The following KCNN2 variants were observed in gnomAD, a reference collection of about 807,000 sequenced individuals.
KCNN2 encodes the protein potassium calcium-activated channel subfamily N member 2, also known as small conductance calcium-activated potassium channel protein 2.
In KCNN2, 24 loss-of-function variants were observed where a neutral mutation model predicts 55.5. That is an observed-to-expected ratio of 0.43 (90% CI 0.31 to 0.61). The LOEUF is 0.61. Among genes scored for constraint, KCNN2 ranks in the 20% least tolerant of loss-of-function variants. The probability of loss-of-function intolerance (pLI) is 0.08; values close to 1 mark genes in which losing one functional copy is unlikely to be tolerated. For synonymous variants in KCNN2, 431 were observed against 336.1 expected (o/e 1.28, Z -3.09); for missense variants, 754 against 853.6 (o/e 0.88, Z 1.45).
chr5:114,289,948 A>G (rs1755847042), intron 2 of KCNN2, among the ~76,000 whole-genome samples: 1 of 152,042 alleles, frequency 6.6e-6, no homozygotes, highest in Non-Finnish European at 1.5e-5. Flanking sequence ...TATTTTTCAG[A>G]CTTCCTTTTT....
rs1025892247 is a variant in KCNN2 at position 114,486,613 on chromosome 5, T to G, written c.1891-437T>G. 296 of 540,158 alleles carry G rather than the reference T, an allele frequency of 5.5e-4. 1 individual carries two copies. Among genetic ancestry groups the G allele is most frequent in the South Asian group, 2.3e-3 (135 of 57,732 alleles). 33.5% of individuals were successfully genotyped at this position (540,158 alleles called of 1,614,324 possible). ...ACATTCAGCACTGGAAACATGCCCT[T>G]CCAGTAGTGCACAGCCAGAAATACC... On this transcript the variant is annotated intron_variant, in intron 5 of 7. Transcript: ENST00000673685.
At chr5:114,314,727 G>A (rs1018073993) in intron 2 of KCNN2, among the ~76,000 whole-genome samples, 7 of 152,076 alleles carry the variant, frequency 4.6e-5, no homozygotes, top group Admixed American at 1.3e-4. Context: ...ATAATAGCCA[G>A]CCTGAAGTGT....
At chr5:114,236,703 A>G (rs543230972) in intron 2 of KCNN2, among the ~76,000 whole-genome samples, 19 of 151,934 alleles carry the variant, frequency 1.3e-4, no homozygotes, top group African/African-American at 1.9e-4. Flanking sequence ...TTTTCTTTCT[A>G]TTTGTGTAAT....
rs1417409687 is a variant in KCNN2, at chr5:114,381,149, T to C, written c.1218+17148T>C. Among the ~76,000 whole-genome samples, 3 of 152,352 alleles carry C rather than the reference T, an allele frequency of 2.0e-5. No individual in the cohort carries two copies. The East Asian group carries it at 5.8e-4, about 29-fold the overall frequency. On this transcript the variant is annotated intron_variant, in intron 2 of 7. Coordinates refer to ENST00000673685, the MANE Select transcript of KCNN2 (RefSeq NM_021614.4). ...GCAATCTAATAAGCTAATAATAGTC[T>C]AATTAATGTGCTTTTTCTTAGCATA...
chr5:114,166,072 A>G (rs375312812), intron 1 of KCNN2, among the ~76,000 whole-genome samples: 1 of 152,030 alleles, frequency 6.6e-6, no homozygotes. Context: ...TATTATTTTT[A>G]GTAGAAATGG....
At chr5:114,427,414 A>G (rs1759662106) in intron 3 of KCNN2, among the ~76,000 whole-genome samples, 1 of 152,200 alleles carries the variant, frequency 6.6e-6, no homozygotes, top group Admixed American at 6.5e-5. Context: ...ACAATCCCAT[A>G]GGTGGAGCTA....
chr5:114,353,694 T>G (rs1449626667), intron 2 of KCNN2, among the ~76,000 whole-genome samples: 1 of 151,936 alleles, frequency 6.6e-6, no homozygotes, highest in Non-Finnish European at 1.5e-5. Context: ...TCTTCATGTT[T>G]GTTAACGTTA....
chr5:114,311,897 G>T (rs185611088), intron 2 of KCNN2, among the ~76,000 whole-genome samples: 110 of 152,178 alleles, frequency 7.2e-4, no homozygotes, highest in Non-Finnish European at 1.3e-3. Flanking sequence ...CTCATGTGGC[G>T]CCATGAGGCC....
chr5:114,241,467 A>G (rs4705644), intron 2 of KCNN2, among the ~76,000 whole-genome samples: 17,780 of 151,466 alleles, frequency 0.12, 1,173 homozygotes, highest in Middle Eastern at 0.23. Context: ...GGACTGGTGA[A>G]AACTAAAATA....
chr5:114,223,533 GCA>G (rs1206378755), intron 2 of KCNN2, among the ~76,000 whole-genome samples: 4 of 152,102 alleles, frequency 2.6e-5, no homozygotes, highest in Non-Finnish European at 5.9e-5. Context: ...CCTTGGACAT[GCA>G]CAGACAGCCA....
intron 1 of KCNN2, among the ~76,000 whole-genome samples, chr5:114,144,232 A>T (rs1247272746): frequency 6.6e-6 from 1 of 152,180 alleles, no homozygotes; most frequent in East Asian, 1.9e-4. Flanking sequence ...TTCCAATCAC[A>T]TTGCATTTGT....
chr5:114,186,060 T>C (rs1753325923), intron 1 of KCNN2, among the ~76,000 whole-genome samples: 3 of 152,234 alleles, frequency 2.0e-5, no homozygotes. Flanking sequence ...TTTCATGTTA[T>C]TGATTATTCA....
chr5:114,262,855 C>T (rs1755135441), intron 2 of KCNN2, among the ~76,000 whole-genome samples: 2 of 152,122 alleles, frequency 1.3e-5, no homozygotes, highest in African/African-American at 4.8e-5. Flanking sequence ...GGGCTTCAGT[C>T]CTCTTATTTA....
chr5:114,363,913 T>C lies in KCNN2; in HGVS notation c.1130T>C (p.Leu377Pro). 2 of 1,613,476 alleles carry C rather than the reference T, an allele frequency of 1.2e-6. No homozygotes were observed. The highest frequency in any genetic ancestry group is 8.5e-7 in the Non-Finnish European group (1 of 1,179,424). Residue 377 changes from leucine to proline, a missense_variant, in exon 2 of 8, where the codon CTG becomes CCG. Leu to Pro is a moderately conservative substitution (Grantham distance 98). This residue lies in a region of KCNN2 where 123 missense variants were observed against 204.9 expected (regional missense o/e 0.60). Transcript: ENST00000673685. ...LSWGAYDKASLYSLALKCLIS... is the reference protein window; with the variant it reads ...LSWGAYDKASPYSLALKCLIS... ...TGTCTGACTGTGTTGCAGGCGTCGC[T>C]GTATTCCTTAGCTCTGAAATGCCTT... is the stretch of plus-strand genomic sequence containing the variant.
At chr5:114,099,296 A>G (rs749934735) in intron 1 of KCNN2, among the ~76,000 whole-genome samples, 10 of 152,148 alleles carry the variant, frequency 6.6e-5, no homozygotes, top group Non-Finnish European at 1.3e-4. Flanking sequence ...GCAAGATTAT[A>G]GCATTATAAA....
chr5:114,232,008 C>G (rs772118788), intron 2 of KCNN2, among the ~76,000 whole-genome samples: 4 of 151,046 alleles, frequency 2.6e-5, no homozygotes, highest in Non-Finnish European at 4.4e-5. Context: ...TAAAAATATA[C>G]TTTTAATCTA....
intron 2 of KCNN2, among the ~76,000 whole-genome samples, chr5:114,331,944 C>A (rs1005996109): frequency 8.5e-5 from 13 of 152,076 alleles, no homozygotes; most frequent in African/African-American, 3.1e-4. Context: ...TCAGACCTTC[C>A]CTTAAGATGT....
chr5:114,123,584 C>T lies in KCNN2; in HGVS notation c.-271+67084C>T, dbSNP rs527975110. On this transcript the variant is annotated intron_variant, in intron 1 of 10. Transcript: ENST00000512097. Reference sequence around the variant, plus strand: ...TTCACTGTGTTAGCCAGAATGGTCTCGATCTCCTGACCTCGTGATCCGCCC... The same window carrying T: ...TTCACTGTGTTAGCCAGAATGGTCTTGATCTCCTGACCTCGTGATCCGCCC... Among the ~76,000 whole-genome samples, 297 of 67,508 alleles carry T rather than the reference C, an allele frequency of 4.4e-3. 63 individuals are homozygous for T. The highest frequency in any genetic ancestry group is 1.0e-2 in the South Asian group (30 of 3,008). 44.3% of individuals were successfully genotyped at this position (67,508 alleles called of 152,430 possible). A position where few individuals can be genotyped will look rare whatever the true frequency, so the allele number is the denominator to read the frequency against.
intron 1 of KCNN2, among the ~76,000 whole-genome samples, chr5:114,113,808 A>G (rs1751656087): frequency 6.6e-6 from 1 of 152,070 alleles, no homozygotes; most frequent in Non-Finnish European, 1.5e-5. Context: ...CTTCATGGCC[A>G]AAAACTTCCT....
Sources: allele counts gnomAD v4.1 joint callset (sites outside exome capture counted in the v4.1 genomes callset), GRCh38; gene constraint gnomAD v4.1.1; regional missense constraint gnomAD v4.1.1; transcripts MANE v1.5; gene names NCBI Gene and HGNC (gene_info 2026-07-23, HGNC 2026-07-21).